Variants in PUDP observed in about 807,000 individuals in gnomAD.
PUDP encodes pseudouridine 5'-phosphatase, also known as pseudouridine-5'-phosphatase.
In PUDP, 8 loss-of-function variants were observed where a neutral mutation model predicts 9.4. The observed-to-expected ratio is 0.85, with a 90% CI of 0.50 to 1.53. The LOEUF is 1.53. PUDP is among the 40% of genes most tolerant of loss of function. The pLI is 0.00. For missense variants in PUDP, 188 were observed against 189.7 expected (o/e 0.99, Z 0.05); for synonymous variants, 99 against 80.7 (o/e 1.23, Z -1.22).
At chrX:7,012,726 G>C (rs1161345718) in intron 1 of PUDP, among the ~76,000 whole-genome samples, 1 of 111,031 alleles carries the variant, frequency 9.0e-6, no homozygotes, top group Non-Finnish European at 1.9e-5. Flanking sequence ...ACTCAGACCT[G>C]AGTGCACCGT....
chrX:6,809,934 C>T (rs1926115150), intron 3 of PUDP, among the ~76,000 whole-genome samples: 1 of 110,405 alleles, frequency 9.1e-6, no homozygotes, highest in African/African-American at 3.3e-5. Flanking sequence ...ATTAGCCAGG[C>T]ATGAGTTTGC....
At chrX:6,933,375 G>A (rs1009398581) in intron 3 of PUDP, among the ~76,000 whole-genome samples, 12 of 111,635 alleles carry the variant, frequency 1.1e-4, no homozygotes, top group Non-Finnish European at 2.1e-4. Flanking sequence ...CAGGCAAACA[G>A]GTCTGGAGTG....
chrX:7,092,598 G>C (rs187323177), intron 2 of PUDP, among the ~76,000 whole-genome samples: 6 of 111,935 alleles, frequency 5.4e-5, no homozygotes, highest in African/African-American at 1.9e-4. Context: ...CTCTAGAAAG[G>C]AGAGAGTAAG....
chrX:7,128,778 T>C (rs1932546109), intron 1 of PUDP, among the ~76,000 whole-genome samples: 1 of 112,030 alleles, frequency 8.9e-6, no homozygotes, highest in Non-Finnish European at 1.9e-5. Context: ...GCACAACAAA[T>C]TTATCTTACA....
intron 1 of PUDP, among the ~76,000 whole-genome samples, chrX:6,987,745 C>T (rs986858619): frequency 8.9e-6 from 1 of 111,951 alleles, no homozygotes; most frequent in Non-Finnish European, 1.9e-5. Flanking sequence ...GAGACAGATA[C>T]CATATGGCCC....
intron 1 of PUDP, among the ~76,000 whole-genome samples, chrX:7,040,838 C>A (rs1470652095): frequency 9.1e-6 from 1 of 110,344 alleles, no homozygotes; most frequent in Admixed American, 9.6e-5. Flanking sequence ...TTCCTAAGAC[C>A]CCCTCTCCCC....
intron 3 of PUDP, among the ~76,000 whole-genome samples, chrX:6,783,731 C>T (rs992734850): frequency 8.9e-6 from 1 of 111,785 alleles, no homozygotes; most frequent in Non-Finnish European, 1.9e-5. Flanking sequence ...GAGAAAACAG[C>T]TATTTATAAA....
chrX:6,739,058 T>A (rs1402835153), intron 3 of PUDP, among the ~76,000 whole-genome samples: 1 of 111,276 alleles, frequency 9.0e-6, no homozygotes, highest in Admixed American at 9.5e-5. Flanking sequence ...CAATTAGCAG[T>A]TTTTGAGAGT....
intron 1 of PUDP, among the ~76,000 whole-genome samples, chrX:7,012,891 G>A (rs1417247387): frequency 9.0e-6 from 1 of 111,011 alleles, no homozygotes; most frequent in Non-Finnish European, 1.9e-5. Flanking sequence ...TCAGCAATAT[G>A]GAGAAAGGTC....
chrX:7,109,629 C>G (rs1315258735), intron 1 of PUDP, among the ~76,000 whole-genome samples: 2 of 112,464 alleles, frequency 1.8e-5, no homozygotes, highest in African/African-American at 3.2e-5. Context: ...GACACTTTTC[C>G]TCACCATTTA....
At chrX:6,723,719 A>C (rs1256640367), upstream of PUDP, among the ~76,000 whole-genome samples, 1 of 110,933 alleles carries the variant, frequency 9.0e-6, no homozygotes, top group Non-Finnish European at 1.9e-5. Context: ...AAACAAAAAA[A>C]CGCCTGATTG....
intron 3 of PUDP, among the ~76,000 whole-genome samples, chrX:6,793,949 C>T (rs1356586776): frequency 2.7e-5 from 3 of 111,604 alleles, no homozygotes; most frequent in Non-Finnish European, 5.6e-5. Context: ...TGATTTCCTA[C>T]TACCTATTAT....
intron 3 of PUDP, among the ~76,000 whole-genome samples, chrX:6,742,640 G>A (rs1924953754): frequency 9.0e-6 from 1 of 111,683 alleles, no homozygotes; most frequent in Non-Finnish European, 1.9e-5. Context: ...AGTTGTGGTG[G>A]AGCACACGCC....
chrX:7,051,027 C>T (rs1195500315), intron 3 of PUDP, among the ~76,000 whole-genome samples: 1 of 111,338 alleles, frequency 9.0e-6, no homozygotes, highest in African/African-American at 3.3e-5. Context: ...TCGCGAAAAT[C>T]CACTTTATTA....
chrX:6,719,809 A>C (rs773877632), intron 1 of PUDP, among the ~76,000 whole-genome samples: 2 of 112,216 alleles, frequency 1.8e-5, no homozygotes, highest in Non-Finnish European at 3.8e-5. Context: ...ATATTCTTTA[A>C]GATGAATTTT....
At chrX:6,831,756 C>T (rs1037129361) in intron 3 of PUDP, among the ~76,000 whole-genome samples, 2 of 111,750 alleles carry the variant, frequency 1.8e-5, no homozygotes, top group African/African-American at 6.5e-5. Context: ...TGTAGATTTG[C>T]AATATGGGTT....
At chrX:7,113,768 G>A (rs762555494) in intron 1 of PUDP, among the ~76,000 whole-genome samples, 3 of 111,971 alleles carry the variant, frequency 2.7e-5, no homozygotes, top group Non-Finnish European at 5.6e-5. Context: ...CTTGATTCTC[G>A]AAATGAGGTC....
chrX:7,035,438 G>GA (rs761796343), intron 1 of PUDP, among the ~76,000 whole-genome samples: 1 of 111,723 alleles, frequency 9.0e-6, no homozygotes, highest in Non-Finnish European at 1.9e-5. Flanking sequence ...CTAAAAATGA[G>GA]AAAATCAGTG....
chrX:6,760,046 T>C (rs1157283987), intron 3 of PUDP, among the ~76,000 whole-genome samples: 1 of 111,790 alleles, frequency 8.9e-6, no homozygotes, highest in Non-Finnish European at 1.9e-5. Context: ...TTTATTTAGG[T>C]TTTTTTTCTT....
Sources: allele counts gnomAD v4.1 joint callset (sites outside exome capture counted in the v4.1 genomes callset), GRCh38; gene constraint gnomAD v4.1.1; transcripts MANE v1.5; gene names NCBI Gene and HGNC (gene_info 2026-07-23, HGNC 2026-07-21).